The following DNASE2B variants were observed in gnomAD, a reference collection of about 807,000 sequenced individuals.
The protein encoded by DNASE2B is deoxyribonuclease-2-beta.
Under a neutral mutation model 46.0 loss-of-function variants are expected in DNASE2B, and 43 were observed. That is an observed-to-expected ratio of 0.94 (90% CI 0.73 to 1.21). The LOEUF is 1.21. Ranked by LOEUF, DNASE2B falls within the 50% of genes most tolerant of loss-of-function variation. DNASE2B has a pLI of 0.00. For synonymous variants in DNASE2B, 156 were observed against 152.5 expected, an observed-to-expected ratio of 1.02 and a Z score of -0.17; for missense variants, 395 against 414.4, an observed-to-expected ratio of 0.95 and a Z score of 0.41.
chr1:84,412,114 G>A (rs1680608461), intron 4 of DNASE2B, among the ~76,000 whole-genome samples: 1 of 152,184 alleles, frequency 6.6e-6, no homozygotes, highest in Admixed American at 6.5e-5. Flanking sequence ...TTGCTGTGAG[G>A]ATTAAATGAA....
intron 2 of DNASE2B, chr1:84,408,178 G>A (rs1359656736): frequency 7.2e-6 from 2 of 278,204 alleles, no homozygotes; most frequent in Non-Finnish European, 1.2e-5. Flanking sequence ...TAGGAACATT[G>A]CCCTCACACA....
chr1:84,412,396 C>A lies in DNASE2B; in HGVS notation c.595C>A (p.Pro199Thr), dbSNP rs1194797147. Residue 199 changes from proline to threonine, a missense_variant, in exon 5 of 6, where the codon CCA (proline) becomes ACA (threonine). Transcript: ENST00000370665. Reference protein sequence around the residue: ...CNPNVYSCSIPATFHQELIHM... With the variant: ...CNPNVYSCSITATFHQELIHM... ...CCCCAACGTCTATAGCTGCTCCATC[C>A]CAGCCACCTTTCACCAGGAGCTCAT... 1.9e-6 allele frequency: 3 copies of A among 1,612,114 alleles called. No homozygotes were observed. The highest frequency in any genetic ancestry group is 3.3e-5 in the Admixed American group (2 of 59,850).
chr1:84,403,720 C>G (rs1300265172), intron 2 of DNASE2B, among the ~76,000 whole-genome samples: 2 of 151,932 alleles, frequency 1.3e-5, no homozygotes, highest in Middle Eastern at 3.2e-3. Flanking sequence ...CATTTTTTCA[C>G]CATTTGCTTT....
Position 84,398,649 on chromosome 1 carries a change from A to T in DNASE2B, c.85A>T (p.Thr29Ser). ...LGLFGVLGAA[T>S]ISCRNEEGKA... is the part of the protein sequence containing the mutation. ...CCTCTTTGGGGTGCTGGGGGCAGCA[A>T]CAATTTCATGCAGAAATGAAGAAGG... Residue 29 changes from threonine (T) to serine (S), a missense_variant, in exon 1 of 6, where the codon ACA (threonine) becomes TCA (serine). By Grantham distance (58) the Thr-to-Ser change is moderately conservative. Coordinates refer to ENST00000370665, the MANE Select transcript of DNASE2B (RefSeq NM_021233.3). 6.2e-7 allele frequency: 1 copy of T among 1,613,918 alleles called. No individual in the cohort carries two copies.
At chr1:84,404,443 A>T (rs1262865849) in intron 2 of DNASE2B, among the ~76,000 whole-genome samples, 5 of 152,150 alleles carry the variant, frequency 3.3e-5, no homozygotes, top group Non-Finnish European at 7.4e-5. Flanking sequence ...CTTTTCCTAT[A>T]ACAGAAATGG....
In DNASE2B at chr1:84,413,359, G is replaced by A. The variant is rs571881111; in HGVS notation, c.745+813G>A. On this transcript the variant is annotated intron_variant, in intron 5 of 5. Coordinates refer to ENST00000370665, the MANE Select transcript of DNASE2B (RefSeq NM_021233.3). ...ACCTCACTGTCTTCCTTGCTTATTT[G>A]CTTCCTTCCTTTATACGTTGAATAA... Among the ~76,000 whole-genome samples the A allele has an allele frequency of 5.8e-3, 878 of 152,142 alleles. 8 individuals are homozygous for A. The highest frequency in any genetic ancestry group is 0.014 in the South Asian group (66 of 4,814).
Position 84,402,058 on chromosome 1 carries a change from T to C in DNASE2B, c.283T>C (p.Tyr95His), listed in dbSNP as rs72943980. ...TTTGGGAAGGACATTACAACAGCTATATGAAGCATATGCCTCTAAGGTATG... is the reference window on the plus strand; with the variant it reads ...TTTGGGAAGGACATTACAACAGCTACATGAAGCATATGCCTCTAAGGTATG... ...SVLGRTLQQL[Y>H]EAYASKSNNT... The change falls in exon 2 of 6, where the codon TAT (tyrosine) becomes CAT (histidine). Residue 95 changes from tyrosine (Y) to histidine (H), a missense_variant. By Grantham distance (83) the Tyr-to-His change is moderately conservative. Transcript: ENST00000370665. 2.2e-3 allele frequency: 3,569 copies of C among 1,605,660 alleles called. 70 individuals are homozygous for C. The African/African-American group carries it at 0.039, about 18-fold the overall frequency.
chr1:84,407,320 T>G (rs1027751480), intron 2 of DNASE2B, among the ~76,000 whole-genome samples: 15 of 152,306 alleles, frequency 9.8e-5, no homozygotes, highest in African/African-American at 3.4e-4. Context: ...ACAGAGTAAC[T>G]AACTCTTCAG....
At chr1:84,413,459 A>G (rs780864350) in intron 5 of DNASE2B, among the ~76,000 whole-genome samples, 2 of 152,256 alleles carry the variant, frequency 1.3e-5, no homozygotes, top group African/African-American at 2.4e-5. Context: ...GGACAGAGAC[A>G]GTCTCTGCAG....
At chr1:84,407,729 A>C (rs1284996563) in intron 2 of DNASE2B, among the ~76,000 whole-genome samples, 3 of 152,156 alleles carry the variant, frequency 2.0e-5, no homozygotes, top group Non-Finnish European at 4.4e-5. Flanking sequence ...TATCGAAATA[A>C]TAGCTTTATT....
chr1:84,402,934 GT>G (rs1482538314), intron 2 of DNASE2B, among the ~76,000 whole-genome samples: 2 of 152,302 alleles, frequency 1.3e-5, no homozygotes, highest in Admixed American at 1.3e-4. Context: ...CAACAATCCT[GT>G]TTTAGCCTCT....
intron 1 of DNASE2B, among the ~76,000 whole-genome samples, chr1:84,401,567 A>C (rs1310727407): frequency 6.6e-6 from 1 of 152,168 alleles, no homozygotes; most frequent in Non-Finnish European, 1.5e-5. Context: ...AGCCAACTGC[A>C]TGGTCTGGGC....
At position 84,398,506 on chromosome 1, in the gene DNASE2B, G is replaced by A. The variant is rs1409013553; in HGVS notation, c.-59G>A. 1.5e-5 allele frequency: 24 copies of A among 1,599,812 alleles called. No individual in the cohort carries two copies. Among genetic ancestry groups the A allele is most frequent in the Admixed American group, 8.4e-5 (5 of 59,308 alleles). ...GTCAGAGCCAGCACAGCCTGAGAGC[G>A]CCTTGAAACTCAGACTCCACAATCT... On this transcript the variant is annotated 5_prime_UTR_variant, in exon 1 of 6. Coordinates refer to ENST00000370665, the MANE Select transcript of DNASE2B (RefSeq NM_021233.3).
chr1:84,398,558 G>C lies in DNASE2B; in HGVS notation c.-7G>C. ...TGGGGAAAGTGTCCTGCTGTGGCAT[G>C]AAATAAATGAAACAGAAAATGATGG... On this transcript the variant is annotated 5_prime_UTR_variant, in exon 1 of 6. The change abolishes an upstream ATG in the 5' untranslated region. Transcript: ENST00000370665. 6.2e-7 allele frequency: 1 copy of C among 1,613,650 alleles called. No homozygotes were observed. Among genetic ancestry groups the C allele is most frequent in the Non-Finnish European group, 8.5e-7 (1 of 1,179,686 alleles).
Position 84,398,865 on chromosome 1 carries a change from C to T in DNASE2B, c.125+176C>T, listed in dbSNP as rs146610266. On this transcript the variant is annotated intron_variant, in intron 1 of 5. Transcript: ENST00000370665. ...CAGGCAGGGGTAGGCTTCTGAGTGA[C>T]GGAGTTTCCCCCTGAAAAAGAGCTG... Among the ~76,000 whole-genome samples the T allele has an allele frequency of 1.6e-4, 24 of 152,298 alleles. No homozygotes were observed. The East Asian group carries it at 3.9e-3, about 25-fold the overall frequency.
chr1:84,402,088 A>C lies in DNASE2B; in HGVS notation c.303+10A>C. 2.5e-6 allele frequency: 4 copies of C among 1,583,832 alleles called. No individual in the cohort carries two copies. Among genetic ancestry groups the C allele is most frequent in the Non-Finnish European group, 3.4e-6 (4 of 1,171,184 alleles). On this transcript the variant is annotated intron_variant, in intron 2 of 5. Coordinates refer to ENST00000370665, the MANE Select transcript of DNASE2B (RefSeq NM_021233.3). ...AGCATATGCCTCTAAGGTATGTTAT[A>C]TAGTTAATTGTTCACTTGAATAATA...
At position 84,401,985 on chromosome 1, in the gene DNASE2B, T is replaced by C. The variant is rs957171976; in HGVS notation, c.210T>C (p.Thr70=). The change falls in exon 2 of 6, where the codon ACT becomes ACC. Residue 70 remains threonine, a synonymous_variant. Transcript: ENST00000370665. The part of the protein sequence containing the change: ...GLEYLYLDST[T]RSWRKSEQLM... ...AGTACCTGTACCTAGACTCTACAAC[T>C]AGAAGCTGGAGGAAGAGTGAGCAAC... 6.2e-7 allele frequency: 1 copy of C among 1,608,516 alleles called. No homozygotes were observed. Among genetic ancestry groups the C allele is most frequent in the Non-Finnish European group, 8.5e-7 (1 of 1,178,124 alleles).
At chr1:84,402,392 A>G (rs374932626) in intron 2 of DNASE2B, among the ~76,000 whole-genome samples, 2 of 152,218 alleles carry the variant, frequency 1.3e-5, no homozygotes, top group African/African-American at 4.8e-5. Context: ...TTATTCATCT[A>G]ATAGAAATAG....
chr1:84,407,248 T>C (rs1261703998), intron 2 of DNASE2B, among the ~76,000 whole-genome samples: 1 of 152,196 alleles, frequency 6.6e-6, no homozygotes, highest in Non-Finnish European at 1.5e-5. Flanking sequence ...CATCCCAGAA[T>C]TCCTCCATGT....
Sources: gnomAD v4.1 joint callset for allele counts (sites outside exome capture counted in the v4.1 genomes callset) on GRCh38, gnomAD v4.1.1 for gene constraint, MANE v1.5 for transcripts, NCBI Gene and HGNC (gene_info 2026-07-23, HGNC 2026-07-21) for gene names.